Variants in PTDSS2 observed in about 807,000 individuals in gnomAD.
PTDSS2 encodes the protein phosphatidylserine synthase 2.
PTDSS2 carries 41 observed loss-of-function variants against 64.7 expected under a neutral mutation model. The ratio of observed to expected loss-of-function variants is 0.63; its 90% CI spans 0.49 to 0.82. The LOEUF (loss-of-function observed/expected upper bound fraction) is 0.82, where lower values mean the gene tolerates loss of function less well. Ranked by LOEUF, PTDSS2 falls within the 40% of genes least tolerant of loss-of-function variation. PTDSS2 has a pLI of 0.00. For synonymous variants in PTDSS2, 297 were observed against 277.8 expected (o/e 1.07, Z -0.69); for missense variants, 485 against 650.0 (o/e 0.75, Z 2.76).
At chr11:456,170 C>CTTTTTTTTTTTTTTTT (rs71022912) in intron 1 of PTDSS2, among the ~76,000 whole-genome samples, 1 of 114,874 alleles carries the variant, frequency 8.7e-6, no homozygotes, top group African/African-American at 3.4e-5. Flanking sequence ...TTCTTTCATT[C>CTTTTTTTTTTTTTTTT]TTTTTTTTTT....
At position 475,494 on chromosome 11, in the gene PTDSS2, G is replaced by C. The variant is rs527986096; in HGVS notation, c.367+1517G>C. Among the ~76,000 whole-genome samples, 43 of 151,334 alleles carry C rather than the reference G, an allele frequency of 2.8e-4. No homozygotes were observed. The East Asian group carries it at 7.6e-3, about 27-fold the overall frequency. On this transcript the variant is annotated intron_variant, in intron 3 of 11. Coordinates refer to ENST00000308020, the MANE Select transcript of PTDSS2 (RefSeq NM_030783.3). ...ATTTGTGATACAGACATATTCACGC[G>C]TTTGTGTGATACGGCCATATTCACG...
intron 3 of PTDSS2, among the ~76,000 whole-genome samples, chr11:475,826 T>C (rs1847778319): frequency 1.3e-5 from 2 of 152,266 alleles, no homozygotes; most frequent in Admixed American, 1.3e-4. Context: ...TAATATTGTA[T>C]ATTTAGAGAG....
At chr11:450,869 G>C (rs1189445738) in intron 1 of PTDSS2, among the ~76,000 whole-genome samples, 4 of 152,118 alleles carry the variant, frequency 2.6e-5, no homozygotes, top group Non-Finnish European at 5.9e-5. Flanking sequence ...GAGACCCTGG[G>C]CAGACCCTCC....
At chr11:474,754 GAAAATTTCGA>G (rs141421527) in intron 3 of PTDSS2, among the ~76,000 whole-genome samples, 3,879 of 152,238 alleles carry the variant, frequency 0.025, 161 homozygotes, top group African/African-American at 0.088. Flanking sequence ...ATGTATTATA[GAAAATTTCGA>G]AAATACAAAG....
At chr11:457,961 A>G (rs1270397726) in intron 1 of PTDSS2, among the ~76,000 whole-genome samples, 1 of 152,148 alleles carries the variant, frequency 6.6e-6, no homozygotes, top group Non-Finnish European at 1.5e-5. Flanking sequence ...ATGTGCACTG[A>G]TGCTGTGTCG....
chr11:477,769 T>G (rs1219784500), intron 3 of PTDSS2, among the ~76,000 whole-genome samples: 1 of 152,222 alleles, frequency 6.6e-6, no homozygotes, highest in Non-Finnish European at 1.5e-5. Flanking sequence ...GGCGAGCCCT[T>G]GTGGGGCGAG....
rs1450396824 is a variant in PTDSS2, at chr11:487,277, C to T, written c.571-143C>T. ...CTCTAGGCTGTCGTGGACGTGGTCTCCACAGGCCACGGCAGCACCTGTGAG... is the reference window on the plus strand; with the variant it reads ...CTCTAGGCTGTCGTGGACGTGGTCTTCACAGGCCACGGCAGCACCTGTGAG... On this transcript the variant is annotated intron_variant, in intron 5 of 11. Transcript: ENST00000308020. 11 of 967,704 alleles carry T rather than the reference C, an allele frequency of 1.1e-5. No homozygotes were observed. The Admixed American group carries it at 1.7e-4, about 15-fold the overall frequency. 59.9% of individuals were successfully genotyped at this position (967,704 alleles called of 1,614,324 possible).
intron 2 of PTDSS2, among the ~76,000 whole-genome samples, chr11:467,444 C>T (rs186056462): frequency 1.3e-3 from 200 of 152,334 alleles, no homozygotes; most frequent in Middle Eastern, 3.4e-3. Context: ...GTTTCACAGA[C>T]TCTCACAGAA....
At position 470,250 on chromosome 11, in the gene PTDSS2, G is replaced by C. The variant is rs1339136396; in HGVS notation, c.285-3645G>C. ...GTCAGCATGCACTGGTCATGTTCAT[G>C]GCGTGGCCGACGGGGAGGCTGCTGC... On this transcript the variant is annotated intron_variant, in intron 2 of 11. Coordinates refer to ENST00000308020, the MANE Select transcript of PTDSS2 (RefSeq NM_030783.3). This position sits in a 1 kb window ranked among gnomAD's most constrained non-coding sequence, Gnocchi z 5.3. Among the ~76,000 whole-genome samples, 1 of 152,222 alleles carries C rather than the reference G, an allele frequency of 6.6e-6. No individual in the cohort carries two copies. The highest frequency in any genetic ancestry group is 1.5e-5 in the Non-Finnish European group (1 of 68,042).
At chr11:465,761 C>CT (rs1049665340) in intron 2 of PTDSS2, among the ~76,000 whole-genome samples, 1 of 151,248 alleles carries the variant, frequency 6.6e-6, no homozygotes, top group Non-Finnish European at 1.5e-5. Flanking sequence ...CCACCCCCCC[C>CT]CCATCTCTAC....
At chr11:466,107 C>T (rs1847128488) in intron 2 of PTDSS2, among the ~76,000 whole-genome samples, 3 of 151,994 alleles carry the variant, frequency 2.0e-5, no homozygotes, top group African/African-American at 4.8e-5. Context: ...GGCAGGGTGG[C>T]TCACACTTGT....
chr11:489,450 G>C lies in PTDSS2; in HGVS notation c.905G>C (p.Arg302Pro), dbSNP rs1368671723. 2 of 1,613,432 alleles carry C rather than the reference G, an allele frequency of 1.2e-6. No individual in the cohort carries two copies. The highest frequency in any genetic ancestry group is 3.3e-5 in the Admixed American group (2 of 60,022). The change falls in exon 9 of 12, where the codon CGC (arginine) becomes CCC (proline). Residue 302 changes from arginine (R) to proline (P), a missense_variant. Arg to Pro is a moderately radical substitution (Grantham distance 103, BLOSUM62 -2). Coordinates refer to ENST00000308020, the MANE Select transcript of PTDSS2 (RefSeq NM_030783.3). ...CAGTTCACGCCGTACAGCTGGGTTC[G>C]CTTCGAGTGGAAGCCGGCCTCCAGC... The part of the protein sequence containing the change: ...AFQFTPYSWV[R>P]FEWKPASSLR...
chr11:489,313 G>A, intron 8 of PTDSS2, 87 bp from the exon 9 acceptor site: 3 of 1,155,758 alleles, frequency 2.6e-6, no homozygotes, highest in East Asian at 2.5e-5. Flanking sequence ...GGCGGGGCCG[G>A]GTGACCAGGA....
intron 1 of PTDSS2, among the ~76,000 whole-genome samples, chr11:453,379 G>T (rs1846436358): frequency 6.6e-6 from 1 of 152,200 alleles, no homozygotes; most frequent in African/African-American, 2.4e-5. Flanking sequence ...CTGTCTGTGG[G>T]AGACGCTGAA....
Position 476,884 on chromosome 11 carries a change from C to T in PTDSS2, c.368-2201C>T, listed in dbSNP as rs1176629810. Among the ~76,000 whole-genome samples, 1 of 152,176 alleles carries T rather than the reference C, an allele frequency of 6.6e-6. No individual in the cohort carries two copies. The highest frequency in any genetic ancestry group is 1.5e-5 in the Non-Finnish European group (1 of 68,034). The stretch of plus-strand genomic sequence containing the variant: ...ACTTTGCCAATCTTCGATTTATTGA[C>T]GGGGAAGCCTGTCCTGGAGCCACCT... On this transcript the variant is annotated intron_variant, in intron 3 of 11. Coordinates refer to ENST00000308020, the MANE Select transcript of PTDSS2 (RefSeq NM_030783.3). The surrounding 1 kb of genome is among the most constrained non-coding windows in gnomAD (Gnocchi z 4.9).
Position 489,715 on chromosome 11 carries a change from A to G in PTDSS2, c.1097A>G (p.Tyr366Cys), listed in dbSNP as rs1332540567. ...NVGGVAMREI[Y>C]DFMDDPKPHK... ...GGTGGCGTGGCCATGCGTGAGATCT[A>G]CGACTTCATGGATGACCCGTGAGGG... is the stretch of plus-strand genomic sequence containing the variant. Residue 366 changes from tyrosine to cysteine, a missense_variant, in exon 10 of 12, where the codon TAC becomes TGC. By Grantham distance (194) the Tyr-to-Cys change is radical (BLOSUM62 -2). Transcript: ENST00000308020. The G allele has an allele frequency of 1.3e-5, 21 of 1,608,756 alleles. No homozygotes were observed. Among genetic ancestry groups the G allele is most frequent in the East Asian group, 4.5e-5 (2 of 44,652 alleles).
chr11:470,735 G>C lies in PTDSS2; in HGVS notation c.285-3160G>C, dbSNP rs1384811822. Among the ~76,000 whole-genome samples, 1 of 151,898 alleles carries C rather than the reference G, an allele frequency of 6.6e-6. No homozygotes were observed. The highest frequency in any genetic ancestry group is 1.5e-5 in the Non-Finnish European group (1 of 67,978). ...CTCCCGAGTAGCTGGGATTACAGGT[G>C]CCTGCCACCACATCTGGCTAATTTG... On this transcript the variant is annotated intron_variant, in intron 2 of 11. Coordinates refer to ENST00000308020, the MANE Select transcript of PTDSS2 (RefSeq NM_030783.3). The surrounding 1 kb of genome is among the most constrained non-coding windows in gnomAD (Gnocchi z 5.3).
chr11:488,141 G>A lies in PTDSS2; in HGVS notation c.622-58G>A, dbSNP rs1035243621. The stretch of plus-strand genomic sequence containing the variant: ...GCCGGGGTGGGGGCTGCACGCACCC[G>A]TGGGCAGGGCCGGGTGTGGCCGGCG... On this transcript the variant is annotated intron_variant, in intron 6 of 11. Transcript: ENST00000308020. 2.0e-4 allele frequency: 265 copies of A among 1,342,998 alleles called. 2 individuals carry two copies. The highest frequency in any genetic ancestry group is 3.1e-4 in the Admixed American group (18 of 58,614). 83.2% of individuals were successfully genotyped at this position (1,342,998 alleles called of 1,614,324 possible).
rs954648146 is a variant in PTDSS2 at position 470,131 on chromosome 11, T to C, written c.285-3764T>C. Among the ~76,000 whole-genome samples the C allele has an allele frequency of 3.3e-5, 5 of 152,216 alleles. No individual in the cohort carries two copies. The highest frequency in any genetic ancestry group is 4.4e-5 in the Non-Finnish European group (3 of 68,030). Reference sequence around the variant, plus strand: ...CCGCTGTGCGCTGCGCGTGGTGACCTGACCTCCTTCCTGGGCGTGCAGCAC... The same window carrying C: ...CCGCTGTGCGCTGCGCGTGGTGACCCGACCTCCTTCCTGGGCGTGCAGCAC... On this transcript the variant is annotated intron_variant, in intron 2 of 11. Coordinates refer to ENST00000308020, the MANE Select transcript of PTDSS2 (RefSeq NM_030783.3). This position sits in a 1 kb window ranked among gnomAD's most constrained non-coding sequence, Gnocchi z 5.3.
Sources: gnomAD v4.1 joint callset for allele counts (sites outside exome capture counted in the v4.1 genomes callset) on GRCh38, gnomAD v4.1.1 for gene constraint, Gnocchi (gnomAD v3.1) non-coding constraint, MANE v1.5 for transcripts, NCBI Gene and HGNC (gene_info 2026-07-23, HGNC 2026-07-21) for gene names.